The following ATXN1 variants were observed in gnomAD, a reference collection of about 807,000 sequenced individuals.
ATXN1 encodes the protein ataxin 1, also known as ataxin-1.
In ATXN1, 8 loss-of-function variants were observed where a neutral mutation model predicts 56.4. The ratio of observed to expected loss-of-function variants is 0.14; its 90% CI spans 0.08 to 0.26. The LOEUF is 0.26. ATXN1 is among the 10% of genes least tolerant of loss of function. The probability of loss-of-function intolerance (pLI) is 1.00; values close to 1 mark genes in which losing one functional copy is unlikely to be tolerated. For synonymous variants in ATXN1, 514 were observed against 494.6 expected, an observed-to-expected ratio of 1.04 and a Z score of -0.52; for missense variants, 987 against 1,106.5, an observed-to-expected ratio of 0.89 and a Z score of 1.53.
intron 2 of ATXN1, among the ~76,000 whole-genome samples, chr6:16,710,976 G>C (rs1351984372): frequency 6.6e-6 from 1 of 152,084 alleles, no homozygotes; most frequent in Non-Finnish European, 1.5e-5. Context: ...TCAAACTCCT[G>C]GGCCCAAGCG....
chr6:16,565,512 T>C (rs1387945739), intron 4 of ATXN1, among the ~76,000 whole-genome samples: 2 of 152,194 alleles, frequency 1.3e-5, no homozygotes, highest in Non-Finnish European at 2.9e-5. Context: ...TAAAGGAACG[T>C]TGAGGTTAAA....
intron 5 of ATXN1, among the ~76,000 whole-genome samples, chr6:16,492,561 T>TC (rs1411470964): frequency 6.6e-6 from 1 of 151,550 alleles, no homozygotes; most frequent in Non-Finnish European, 1.5e-5. Flanking sequence ...TACATTTCTT[T>TC]TTTTTTTTGC....
chr6:16,431,894 A>G (rs1235645167), intron 6 of ATXN1, among the ~76,000 whole-genome samples: 1 of 152,198 alleles, frequency 6.6e-6, no homozygotes, highest in Non-Finnish European at 1.5e-5. Flanking sequence ...GATGGGGGCA[A>G]AAGCAGATTC....
intron 2 of ATXN1, among the ~76,000 whole-genome samples, chr6:16,690,365 C>T (rs561427935): frequency 2.0e-5 from 3 of 151,790 alleles, no homozygotes; most frequent in Admixed American, 6.6e-5. Context: ...GCTGTTATTC[C>T]TCCTCCACTG....
At chr6:16,740,414 A>G (rs191042527) in intron 2 of ATXN1, among the ~76,000 whole-genome samples, 1 of 152,358 alleles carries the variant, frequency 6.6e-6, no homozygotes, top group East Asian at 1.9e-4. Context: ...AACATCTAGT[A>G]GAAAGACAGC....
chr6:16,402,242 GTTTTTTTTTTTTTTT>G (rs58048762), intron 6 of ATXN1, among the ~76,000 whole-genome samples: 3 of 62,118 alleles, frequency 4.8e-5, no homozygotes, highest in East Asian at 5.9e-4. Context: ...ACCACTGACA[GTTTTTTTTTTTTTTT>G]TTTTTTTTTT....
intron 6 of ATXN1, among the ~76,000 whole-genome samples, chr6:16,332,849 C>T (rs56208125): frequency 6.6e-6 from 1 of 152,140 alleles, no homozygotes; most frequent in African/African-American, 2.4e-5. Flanking sequence ...AAGTGTGGTC[C>T]TCCGACCCGT....
intron 3 of ATXN1, among the ~76,000 whole-genome samples, chr6:16,633,918 G>C (rs191060065): frequency 2.0e-5 from 3 of 152,294 alleles, no homozygotes; most frequent in Non-Finnish European, 4.4e-5. Flanking sequence ...ACTCCAGAGA[G>C]ATGTTACAAG....
chr6:16,473,477 C>A (rs967973131), intron 6 of ATXN1, among the ~76,000 whole-genome samples: 2 of 152,138 alleles, frequency 1.3e-5, no homozygotes, highest in African/African-American at 2.4e-5. Flanking sequence ...GTCAGAGAAG[C>A]ATTTTGAGAG....
intron 4 of ATXN1, among the ~76,000 whole-genome samples, chr6:16,583,152 CAT>C (rs1762557697): frequency 6.6e-6 from 1 of 152,206 alleles, no homozygotes; most frequent in Non-Finnish European, 1.5e-5. Context: ...CTTAAGCTAA[CAT>C]GTCTTAATTA....
At chr6:16,505,647 G>C (rs1760970187) in intron 5 of ATXN1, among the ~76,000 whole-genome samples, 1 of 152,148 alleles carries the variant, frequency 6.6e-6, no homozygotes, top group South Asian at 2.1e-4. Context: ...ACCTGCAATT[G>C]ACTACTTATG....
At position 16,327,769 on chromosome 6, in the gene ATXN1, A is replaced by G; in HGVS notation, c.542T>C (p.Leu181Pro). The G allele has an allele frequency of 6.2e-7, 1 of 1,609,784 alleles. No homozygotes were observed. The part of the protein sequence containing the change: ...RSQLEAYSTL[L>P]ANMGSLSQTP... ...CTGGCTCAGACTGCCCATGTTGGCC[A>G]GCAGAGTGGAATAGGCCTCCAGCTG... is the stretch of plus-strand genomic sequence containing the variant. The change falls in exon 7 of 8, where the codon CTG becomes CCG. Residue 181 changes from leucine (L) to proline (P), a missense_variant. Around this residue, in one of 3 missense-constraint regions of ATXN1, gnomAD observed 723 missense variants for 791.7 expected, o/e 0.91. Coordinates refer to ENST00000436367, the MANE Select transcript of ATXN1 (RefSeq NM_001128164.2).
At chr6:16,442,614 G>A (rs544432455) in intron 6 of ATXN1, among the ~76,000 whole-genome samples, 9 of 152,164 alleles carry the variant, frequency 5.9e-5, no homozygotes, top group African/African-American at 2.2e-4. Context: ...GAAAGAAAGG[G>A]TACTAAGAAT....
chr6:16,604,368 C>G (rs113772107), intron 3 of ATXN1, among the ~76,000 whole-genome samples: 1 of 150,206 alleles, frequency 6.7e-6, no homozygotes, highest in South Asian at 2.1e-4. Context: ...ACGTGGTGCA[C>G]ATCTATAGTT....
At chr6:16,579,038 T>C (rs143865008) in intron 4 of ATXN1, among the ~76,000 whole-genome samples, 21 of 152,336 alleles carry the variant, frequency 1.4e-4, no homozygotes, top group East Asian at 9.6e-4. Context: ...GTACTGCAGC[T>C]TGACTACTTC....
intron 7 of ATXN1, among the ~76,000 whole-genome samples, chr6:16,310,546 G>T (rs185310560): frequency 1.3e-5 from 2 of 152,226 alleles, no homozygotes; most frequent in Admixed American, 6.5e-5. Context: ...GCAGTGGCGC[G>T]ATCTCGGCTC....
intron 5 of ATXN1, among the ~76,000 whole-genome samples, chr6:16,515,366 C>A (rs1422589484): frequency 6.6e-6 from 1 of 152,092 alleles, no homozygotes; most frequent in African/African-American, 2.4e-5. Context: ...CAGTTCAGGA[C>A]CCCTCCCCAC....
At chr6:16,414,089 C>G (rs375739489) in intron 6 of ATXN1, among the ~76,000 whole-genome samples, 1 of 152,288 alleles carries the variant, frequency 6.6e-6, no homozygotes, top group South Asian at 2.1e-4. Context: ...AAATGTGACA[C>G]GGCAGTGATT....
chr6:16,656,100 AAAC>A, intron 3 of ATXN1, among the ~76,000 whole-genome samples: 3 of 151,878 alleles, frequency 2.0e-5, no homozygotes, highest in Non-Finnish European at 2.9e-5. Context: ...AAAAAAAAAA[AAAC>A]AAAAAAATTA....
Sources: allele counts gnomAD v4.1 joint callset (sites outside exome capture counted in the v4.1 genomes callset), GRCh38; gene constraint gnomAD v4.1.1; regional missense constraint gnomAD v4.1.1; transcripts MANE v1.5; gene names NCBI Gene and HGNC (gene_info 2026-07-23, HGNC 2026-07-21).